CTNNB1: variants seen among roughly 807,000 people sequenced by gnomAD.
The protein encoded by CTNNB1 is catenin beta-1.
CTNNB1 carries 6 observed loss-of-function variants against 82.5 expected under a neutral mutation model. The ratio of observed to expected loss-of-function variants is 0.07; its 90% CI spans 0.04 to 0.14. CTNNB1 has a LOEUF of 0.14. CTNNB1 is among the 10% of genes least tolerant of loss of function. CTNNB1 has a pLI of 1.00. For synonymous variants in CTNNB1, 312 were observed against 329.7 expected, an observed-to-expected ratio of 0.95 and a Z score of 0.58; for missense variants, 529 against 980.4, an observed-to-expected ratio of 0.54 and a Z score of 6.15.
At chr3:41,228,705 C>CT (rs1376503085) in intron 7 of CTNNB1, among the ~76,000 whole-genome samples, 12 of 152,170 alleles carry the variant, frequency 7.9e-5, no homozygotes, top group African/African-American at 1.4e-4. Flanking sequence ...CTGTTGATTT[C>CT]TTTTGCTGCG....
intron 7 of CTNNB1, among the ~76,000 whole-genome samples, chr3:41,231,326 C>CAAAAA (rs11377041): frequency 7.4e-6 from 1 of 135,032 alleles, no homozygotes; most frequent in Non-Finnish European, 1.6e-5. Context: ...GACTCTATCT[C>CAAAAA]AAAAAAAAAA....
intron 1 of CTNNB1, among the ~76,000 whole-genome samples, chr3:41,204,660 T>C (rs1310169521): frequency 6.6e-6 from 1 of 152,226 alleles, no homozygotes; most frequent in Non-Finnish European, 1.5e-5. Flanking sequence ...AAGTGGGAAA[T>C]CCAGATCAAT....
At chr3:41,208,063 C>G (rs1216140353) in intron 1 of CTNNB1, among the ~76,000 whole-genome samples, 1 of 152,152 alleles carries the variant, frequency 6.6e-6, no homozygotes, top group East Asian at 1.9e-4. Flanking sequence ...CTTCTTTGTT[C>G]ACTTCATTAG....
intron 7 of CTNNB1, chr3:41,233,104 TTTTC>T: frequency 1.7e-6 from 1 of 591,806 alleles, no homozygotes; most frequent in Non-Finnish European, 3.0e-6. Context: ...AACAAAGGCT[TTTTC>T]GGCTTAGGAA....
chr3:41,233,376 C>A lies in CTNNB1; in HGVS notation c.1117C>A (p.Pro373Thr), dbSNP rs751567042. ...MQALGLHLTDPSQRLVQNCLW... is the reference protein window; with the variant it reads ...MQALGLHLTDTSQRLVQNCLW... ...AGCTTTAGGACTTCACCTGACAGAT[C>A]CAAGTCAACGTCTTGTTCAGAACTG... Residue 373 changes from proline to threonine, a missense_variant, in exon 8 of 15, where the codon CCA (proline) becomes ACA (threonine). This residue lies in a region of CTNNB1 where 411 missense variants were observed against 776.4 expected (regional missense o/e 0.53). Transcript: ENST00000349496. The A allele has an allele frequency of 2.5e-6, 4 of 1,614,152 alleles. No individual in the cohort carries two copies. Among genetic ancestry groups the A allele is most frequent in the Non-Finnish European group, 3.4e-6 (4 of 1,180,038 alleles).
intron 1 of CTNNB1, among the ~76,000 whole-genome samples, chr3:41,214,014 G>T (rs540036703): frequency 2.0e-5 from 3 of 152,274 alleles, no homozygotes; most frequent in African/African-American, 7.2e-5. Context: ...GGGGACAGAA[G>T]GTTTCAAAAG....
rs1005628566 is a variant in CTNNB1 at position 41,224,045 on chromosome 3, T to G, written c.-24T>G. On this transcript the variant is annotated 5_prime_UTR_variant, in exon 2 of 15. Coordinates refer to ENST00000349496, the MANE Select transcript of CTNNB1 (RefSeq NM_001904.4). Reference sequence around the variant, plus strand: ...GGGTATTTGAAGTATACCATACAACTGTTTTGAAAATCCAGCGTGGACAAT... The same window carrying G: ...GGGTATTTGAAGTATACCATACAACGGTTTTGAAAATCCAGCGTGGACAAT... 10 of 1,613,078 alleles carry G rather than the reference T, an allele frequency of 6.2e-6. No individual in the cohort carries two copies. The highest frequency in any genetic ancestry group is 5.0e-5 in the Admixed American group (3 of 59,976).
intron 1 of CTNNB1, chr3:41,221,834 G>A (rs1304750537): frequency 6.6e-6 from 1 of 152,130 alleles, no homozygotes; most frequent in African/African-American, 2.4e-5. Context: ...TTTCTGAAAT[G>A]TCTACTGGTT....
rs1171530140 is a variant in CTNNB1, at chr3:41,238,010, A to G, written c.2077-6A>G. On this transcript the variant is annotated splice_region_variant and splice_polypyrimidine_tract_variant and intron_variant, in intron 13 of 14. Coordinates refer to ENST00000349496, the MANE Select transcript of CTNNB1 (RefSeq NM_001904.4). ...ATTCTTCCTTGCTTTGTGCATGTTT[A>G]TCTAGACTGCTGATCTTGGACTTGA... 1 of 1,613,346 alleles carries G rather than the reference A, an allele frequency of 6.2e-7. No individual in the cohort carries two copies. Among genetic ancestry groups the G allele is most frequent in the African/African-American group, 1.3e-5 (1 of 74,878 alleles).
At chr3:41,200,541 G>A (rs1453971775) in intron 1 of CTNNB1, among the ~76,000 whole-genome samples, 1 of 152,146 alleles carries the variant, frequency 6.6e-6, no homozygotes, top group African/African-American at 2.4e-5. Flanking sequence ...AGACCGCTTC[G>A]AGAATTTTGT....
chr3:41,234,076 G>A, intron 9 of CTNNB1, 63 bp from the exon 10 acceptor site: 1 of 1,603,452 alleles, frequency 6.2e-7, no homozygotes, highest in Non-Finnish European at 8.5e-7. Context: ...AGTGTGGTGG[G>A]AATTTTAGGG....
chr3:41,233,136 G>C lies in CTNNB1; in HGVS notation c.1082-205G>C. The C allele has an allele frequency of 4.8e-6, 3 of 624,178 alleles. No homozygotes were observed. In the South Asian group the frequency reaches 5.8e-5, roughly 12 times the overall value. The allele number at this position is 624,178 out of a possible 1,614,324, so 38.7% of individuals were successfully genotyped here. Reference sequence around the variant, plus strand: ...CTTAGGAAAGGAACAGTAGCTATTTGAGAGTTTGTCACTAGTGAGGTGAAC... The same window carrying C: ...CTTAGGAAAGGAACAGTAGCTATTTCAGAGTTTGTCACTAGTGAGGTGAAC... On this transcript the variant is annotated intron_variant, in intron 7 of 14. Coordinates refer to ENST00000349496, the MANE Select transcript of CTNNB1 (RefSeq NM_001904.4).
intron 3 of CTNNB1, 52 bp downstream of exon 3, chr3:41,224,805 G>T: frequency 6.3e-7 from 1 of 1,596,466 alleles, no homozygotes; most frequent in Non-Finnish European, 8.6e-7. Context: ...GCAGTTTTGA[G>T]AACTAAAAAG....
intron 13 of CTNNB1, 144 bp downstream of exon 13, chr3:41,236,853 A>C: frequency 9.7e-7 from 1 of 1,027,324 alleles, no homozygotes; most frequent in Admixed American, 1.8e-5. Flanking sequence ...GCTGTCTAGC[A>C]ACTGCTCTGA....
chr3:41,216,659 G>C (rs2077922891), intron 1 of CTNNB1, among the ~76,000 whole-genome samples: 1 of 152,086 alleles, frequency 6.6e-6, no homozygotes, highest in South Asian at 2.1e-4. Context: ...TTTATGCTTA[G>C]AAACATTTCC....
At chr3:41,202,971 G>A (rs970607069) in intron 1 of CTNNB1, among the ~76,000 whole-genome samples, 4 of 151,214 alleles carry the variant, frequency 2.6e-5, no homozygotes, top group Non-Finnish European at 5.9e-5. Context: ...TCCTTCCTAA[G>A]GAAAAATAAG....
intron 1 of CTNNB1, among the ~76,000 whole-genome samples, chr3:41,216,798 G>C (rs2077926291): frequency 6.6e-6 from 1 of 151,950 alleles, no homozygotes; most frequent in South Asian, 2.1e-4. Context: ...TATGTACAAA[G>C]GTATGCAGAT....
chr3:41,201,676 A>G (rs1435794206), intron 1 of CTNNB1, among the ~76,000 whole-genome samples: 1 of 152,180 alleles, frequency 6.6e-6, no homozygotes, highest in African/African-American at 2.4e-5. Context: ...CAGTCATTTA[A>G]AAGTTTTCAG....
intron 1 of CTNNB1, among the ~76,000 whole-genome samples, chr3:41,216,102 G>A (rs774899624): frequency 1.3e-5 from 2 of 152,044 alleles, no homozygotes; most frequent in African/African-American, 4.8e-5. Flanking sequence ...TTAACTGAAC[G>A]GTTTATTAGC....
Sources: allele counts gnomAD v4.1 joint callset (sites outside exome capture counted in the v4.1 genomes callset), GRCh38; gene constraint gnomAD v4.1.1; regional missense constraint gnomAD v4.1.1; transcripts MANE v1.5; gene names NCBI Gene and HGNC (gene_info 2026-07-23, HGNC 2026-07-21).